The following TIMMDC1 variants were observed in gnomAD, a reference collection of about 807,000 sequenced individuals.
TIMMDC1 encodes the protein translocase of inner mitochondrial membrane domain containing 1.
TIMMDC1 carries 25 observed loss-of-function variants against 32.6 expected under a neutral mutation model. The observed-to-expected ratio is 0.77, with a 90% confidence interval of 0.56 to 1.07. TIMMDC1 has a LOEUF of 1.07. Among genes scored for constraint, TIMMDC1 ranks in the 50% least tolerant of loss-of-function variants. The pLI is 0.00. For missense variants in TIMMDC1, 329 were observed against 349.2 expected (o/e 0.94, Z 0.46); for synonymous variants, 130 against 127.6 (o/e 1.02, Z -0.13).
At chr3:119,521,702 A>AAAAAAGTG (rs1445314070) in intron 6 of TIMMDC1, among the ~76,000 whole-genome samples, 1 of 151,878 alleles carries the variant, frequency 6.6e-6, no homozygotes, top group African/African-American at 2.4e-5. Flanking sequence ...CTTTAAAAAA[A>AAAAAAGTG]AAAAAGTGGG....
rs2081841631 is a variant in TIMMDC1, at chr3:119,498,625, G to A, written c.-109G>A. The A allele has an allele frequency of 1.8e-6, 2 of 1,120,622 alleles. No homozygotes were observed. The highest frequency in any genetic ancestry group is 1.4e-5 in the South Asian group (1 of 71,064). 69.4% of individuals were successfully genotyped at this position (1,120,622 alleles called of 1,614,324 possible). A position where few individuals can be genotyped will look rare whatever the true frequency, so the allele number is the denominator to read the frequency against. On this transcript the variant is annotated 5_prime_UTR_variant, in exon 1 of 7. Coordinates refer to ENST00000494664, the MANE Select transcript of TIMMDC1 (RefSeq NM_016589.4). ...GAGCCCTCTGGCAGAGGGTTAACCT[G>A]GGTCAAATGCACGGATTCTCACCTC...
intron 5 of TIMMDC1, among the ~76,000 whole-genome samples, chr3:119,514,032 C>T (rs2107732664): frequency 6.6e-6 from 1 of 152,232 alleles, no homozygotes; most frequent in South Asian, 2.1e-4. Flanking sequence ...TTAAATATTG[C>T]TAACACCTGA....
Position 119,503,581 on chromosome 3 carries a change from G to A in TIMMDC1, c.410G>A (p.Arg137His), listed in dbSNP as rs142096113. The A allele has an allele frequency of 1.7e-5, 27 of 1,611,970 alleles. No individual in the cohort carries two copies. The highest frequency in any genetic ancestry group is 1.0e-4 in the Admixed American group (6 of 59,546). The change falls in exon 3 of 7, where the codon CGC (arginine) becomes CAC (histidine). Residue 137 changes from arginine to histidine, a missense_variant. Transcript: ENST00000494664. ...ATRGFIRYGW[R>H]WGWRTAVFVT... ...CGAGGCTTCATTCGTTATGGCTGGC[G>A]CTGGGGTTGGAGAACTGCAGTGTTT...
In TIMMDC1 at chr3:119,517,187, C is replaced by T; in HGVS notation, c.597-18C>T. On this transcript the variant is annotated intron_variant, in intron 5 of 6. Transcript: ENST00000494664. ...AATGACTCGTTTTTCCTAAGCTTTC[C>T]CTCTCCTTTCTTCTCAGCACTCCTG... The T allele has an allele frequency of 6.5e-6, 10 of 1,547,264 alleles. No homozygotes were observed. The highest frequency in any genetic ancestry group is 8.0e-6 in the Non-Finnish European group (9 of 1,120,762).
At chr3:119,516,971 A>G (rs993176873) in intron 5 of TIMMDC1, among the ~76,000 whole-genome samples, 1 of 152,182 alleles carries the variant, frequency 6.6e-6, no homozygotes, top group African/African-American at 2.4e-5. Flanking sequence ...GTTTTATTAT[A>G]TATCAGTTAA....
chr3:119,504,961 C>T (rs1400645281), intron 4 of TIMMDC1, among the ~76,000 whole-genome samples: 1 of 151,746 alleles, frequency 6.6e-6, no homozygotes, highest in Non-Finnish European at 1.5e-5. Context: ...GCCTGTAATC[C>T]CAGCTACTTG....
chr3:119,501,152 C>T (rs571983705), intron 2 of TIMMDC1, among the ~76,000 whole-genome samples: 61 of 152,292 alleles, frequency 4.0e-4, no homozygotes, highest in African/African-American at 1.4e-3. Context: ...TCAGCTGTAA[C>T]ATATTTACCT....
At chr3:119,501,389 C>T (rs1278579804) in intron 2 of TIMMDC1, among the ~76,000 whole-genome samples, 1 of 152,182 alleles carries the variant, frequency 6.6e-6, no homozygotes, top group Non-Finnish European at 1.5e-5. Context: ...CATCCGGATT[C>T]TCCATTGTTA....
rs1428367314 is a variant in TIMMDC1, at chr3:119,517,242, T to C, written c.634T>C (p.Tyr212His). Residue 212 changes from tyrosine to histidine, a missense_variant, in exon 6 of 7, where the codon TAC becomes CAC. Tyr to His is a moderately conservative substitution (Grantham distance 83). Transcript: ENST00000494664. ...AGGCCTGCTGATGGCATTTCAGAAG[T>C]ACTCTGGTGAGACTGTTCAGGAAAG... ...VGGLLMAFQK[Y>H]SGETVQERKQ... 1.2e-6 allele frequency: 2 copies of C among 1,613,728 alleles called. No homozygotes were observed. Among genetic ancestry groups the C allele is most frequent in the Non-Finnish European group, 8.5e-7 (1 of 1,179,724 alleles).
rs1427675503 is a variant in TIMMDC1 at position 119,516,761 on chromosome 3, AT to A, written c.597-443del. Among the ~76,000 whole-genome samples the A allele has an allele frequency of 1.4e-4, 21 of 152,304 alleles. No individual in the cohort carries two copies. In the East Asian group the frequency reaches 3.7e-3, roughly 27 times the overall value. ...GGTCCCACCCCCAAAAGCCAGTAGC[AT>A]CCCTCCCTCAACCAGAAATGCCCTC... is the stretch of plus-strand genomic sequence containing the variant. On this transcript the variant is annotated intron_variant, in intron 5 of 6. Transcript: ENST00000494664.
chr3:119,498,910 G>C lies in TIMMDC1; in HGVS notation c.177G>C (p.Arg59=), dbSNP rs2081845791. 2 of 1,613,760 alleles carry C rather than the reference G, an allele frequency of 1.2e-6. No homozygotes were observed. The highest frequency in any genetic ancestry group is 1.7e-6 in the Non-Finnish European group (2 of 1,179,918). Residue 59 remains arginine (R), a synonymous_variant, in exon 1 of 7, where the codon CGG becomes CGC. Coordinates refer to ENST00000494664, the MANE Select transcript of TIMMDC1 (RefSeq NM_016589.4). ...YYPESGWDRL[R]ELFGKDEQQR... is the part of the protein sequence containing the mutation. ...CGGAATCTGGATGGGACCGCCTCCG[G>C]GAGCTGTTTGGCAAAGAGTAAAAGT...
Position 119,524,471 on chromosome 3 carries a change from T to TA in TIMMDC1, c.*716dup, listed in dbSNP as rs1375461038. 2.0e-5 allele frequency: 3 copies of TA among 152,066 alleles called. No individual in the cohort carries two copies. The highest frequency in any genetic ancestry group is 7.3e-5 in the African/African-American group (3 of 41,348). The allele number at this position is 152,066 out of a possible 1,614,324, so 9.4% of individuals were successfully genotyped here. On this transcript the variant is annotated 3_prime_UTR_variant, in exon 7 of 7. Transcript: ENST00000494664. ...AATACGGGAAACACTGCTAGTACCT[T>TA]ATGTTGGTGTTAGACCTCTCTGCCC...
chr3:119,498,910 G>A lies in TIMMDC1; in HGVS notation c.177G>A (p.Arg59=). Residue 59 remains arginine (R), a synonymous_variant, in exon 1 of 7, where the codon CGG becomes CGA. Transcript: ENST00000494664. ...CGGAATCTGGATGGGACCGCCTCCG[G>A]GAGCTGTTTGGCAAAGAGTAAAAGT... ...YYPESGWDRL[R]ELFGKDEQQR... The A allele has an allele frequency of 6.2e-7, 1 of 1,613,878 alleles. No homozygotes were observed. Among genetic ancestry groups the A allele is most frequent in the Non-Finnish European group, 8.5e-7 (1 of 1,179,910 alleles).
chr3:119,522,193 G>GTA (rs1170608815), intron 6 of TIMMDC1, among the ~76,000 whole-genome samples: 1 of 152,080 alleles, frequency 6.6e-6, no homozygotes, highest in Non-Finnish European at 1.5e-5. Flanking sequence ...AGAAAATGTG[G>GTA]TATATATCCA....
intron 4 of TIMMDC1, among the ~76,000 whole-genome samples, chr3:119,508,486 T>C (rs1388795019): frequency 6.6e-6 from 1 of 152,256 alleles, no homozygotes; most frequent in East Asian, 1.9e-4. Flanking sequence ...TTGTTAGGAA[T>C]AAGTGATAAA....
In TIMMDC1 at chr3:119,518,912, A is replaced by T. The variant is rs77202883; in HGVS notation, c.707+1597A>T. On this transcript the variant is annotated intron_variant, in intron 6 of 6. Transcript: ENST00000494664. ...CAAACAGACAAACAAAACCCAAAAA[A>T]CTCCTGCCAAGAGTATTATACCTAG... Among the ~76,000 whole-genome samples, 90 of 152,094 alleles carry T rather than the reference A, an allele frequency of 5.9e-4. No homozygotes were observed. In the South Asian group the frequency reaches 0.01, roughly 18 times the overall value.
intron 2 of TIMMDC1, among the ~76,000 whole-genome samples, chr3:119,501,667 T>TTTTCAGAAGTTAGG (rs1325407996): frequency 6.6e-6 from 1 of 152,214 alleles, no homozygotes; most frequent in African/African-American, 2.4e-5. Flanking sequence ...AAAAATGTAT[T>TTTTCAGAAGTTAGG]TTTCAGAAGT....
At chr3:119,512,587 G>GTTTTTGT (rs1316830727) in intron 4 of TIMMDC1, among the ~76,000 whole-genome samples, 11 of 151,574 alleles carry the variant, frequency 7.3e-5, no homozygotes. Flanking sequence ...CCCAGTTGTT[G>GTTTTTGT]TTTTTGTTTT....
At chr3:119,518,951 C>A (rs62264485) in intron 6 of TIMMDC1, among the ~76,000 whole-genome samples, 24,281 of 152,132 alleles carry the variant, frequency 0.16, 2,078 homozygotes, top group East Asian at 0.33. Flanking sequence ...AGCTATTTTT[C>A]CAAAATGAAG....
Sources: allele counts gnomAD v4.1 joint callset (sites outside exome capture counted in the v4.1 genomes callset), GRCh38; gene constraint gnomAD v4.1.1; transcripts MANE v1.5; gene names NCBI Gene and HGNC (gene_info 2026-07-23, HGNC 2026-07-21).